Variants in MMP2 observed in about 807,000 individuals in gnomAD.
The protein encoded by MMP2 is 72 kDa type IV collagenase.
In MMP2, 39 loss-of-function variants were observed where a neutral mutation model predicts 74.8. The ratio of observed to expected loss-of-function variants is 0.52; its 90% CI spans 0.40 to 0.68. The LOEUF (loss-of-function observed/expected upper bound fraction) is 0.68, where lower values mean the gene tolerates loss of function less well. Among genes scored for constraint, MMP2 ranks in the 30% least tolerant of loss-of-function variants. The pLI is 0.00. For missense variants in MMP2, 803 were observed against 878.3 expected, an observed-to-expected ratio of 0.91 and a Z score of 1.08; for synonymous variants, 367 against 339.8, an observed-to-expected ratio of 1.08 and a Z score of -0.88.
At position 55,493,215 on chromosome 16, in the gene MMP2, C is replaced by T. The variant is rs1219506017; in HGVS notation, c.1394C>T (p.Thr465Ile). The T allele has an allele frequency of 1.2e-6, 2 of 1,614,152 alleles. No individual in the cohort carries two copies. Among genetic ancestry groups the T allele is most frequent in the South Asian group, 1.1e-5 (1 of 91,076 alleles). Residue 465 changes from threonine (T) to isoleucine (I), a missense_variant, in exon 9 of 13, where the codon ACT becomes ATT. Thr to Ile is a moderately conservative substitution (Grantham distance 89). Coordinates refer to ENST00000219070, the MANE Select transcript of MMP2 (RefSeq NM_004530.6). ...TGPTPTLGPV[T>I]PEICKQDIVF... is the part of the protein sequence containing the mutation. ...CCCACCCCCACGCTGGGCCCTGTCA[C>T]TCCTGAGATCTGCAAACAGGACATT...
chr16:55,491,967 G>A lies in MMP2; in HGVS notation c.1336+11G>A, dbSNP rs17859933. The A allele has an allele frequency of 1.1e-3, 1,700 of 1,611,486 alleles. 1 individual carries two copies. Among genetic ancestry groups the A allele is most frequent in the Middle Eastern group, 2.1e-3 (13 of 6,052 alleles). ...TTCAGGAGCTCTATGGTAAACCTCC[G>A]GGCGGGGGTTGGGGGTGGAGGGTGA... On this transcript the variant is annotated intron_variant, in intron 8 of 12. Coordinates refer to ENST00000219070, the MANE Select transcript of MMP2 (RefSeq NM_004530.6).
chr16:55,505,544 A>G lies in MMP2; in HGVS notation c.*102A>G. On this transcript the variant is annotated 3_prime_UTR_variant, in exon 13 of 13. Coordinates refer to ENST00000219070, the MANE Select transcript of MMP2 (RefSeq NM_004530.6). ...GGAGGGGCCTGGCAGCCGTGCCTTC[A>G]GCTCTACAGCTAATCAGCATTCTCA... The G allele has an allele frequency of 1.1e-6, 1 of 914,700 alleles. No individual in the cohort carries two copies. Among genetic ancestry groups the G allele is most frequent in the Non-Finnish European group, 1.8e-6 (1 of 550,314 alleles). The allele number at this position is 914,700 out of a possible 1,614,324, so 56.7% of individuals were successfully genotyped here. A position where few individuals can be genotyped will look rare whatever the true frequency, so the allele number is the denominator to read the frequency against.
intron 8 of MMP2, among the ~76,000 whole-genome samples, chr16:55,492,598 G>T (rs1224489918): frequency 1.3e-5 from 2 of 152,032 alleles, no homozygotes; most frequent in Non-Finnish European, 2.9e-5. Context: ...GATGAAGTTT[G>T]GGGACTGCTA....
intron 11 of MMP2, among the ~76,000 whole-genome samples, chr16:55,500,244 C>G (rs1226170219): frequency 6.6e-6 from 1 of 152,184 alleles, no homozygotes; most frequent in Non-Finnish European, 1.5e-5. Flanking sequence ...CACGCACACA[C>G]ACACACGCGT....
intron 10 of MMP2, among the ~76,000 whole-genome samples, chr16:55,498,073 C>T (rs942832953): frequency 6.6e-6 from 1 of 152,142 alleles, no homozygotes; most frequent in Non-Finnish European, 1.5e-5. Flanking sequence ...TGGATTTATC[C>T]CCCAACTCAT....
chr16:55,494,153 CATTTATTCATTCATAGAGT>C (rs1962480835), intron 9 of MMP2, among the ~76,000 whole-genome samples: 1 of 152,190 alleles, frequency 6.6e-6, no homozygotes, highest in Admixed American at 6.5e-5. Flanking sequence ...ATTATTCATC[CATTTATTCATTCATAGAGT>C]ATAGTAGTTG....
Position 55,484,166 on chromosome 16 carries a change from T to A in MMP2, c.529+2T>A. 6.2e-7 allele frequency: 1 copy of A among 1,613,746 alleles called. No homozygotes were observed. The highest frequency in any genetic ancestry group is 8.5e-7 in the Non-Finnish European group (1 of 1,179,920). ...TCATGATCAACTTTGGCCGCTGGGG[T>A]AGGCAGAAGATGGGGCAGAAGAGGG... is the stretch of plus-strand genomic sequence containing the variant. On this transcript the variant is annotated splice_donor_variant, in intron 3 of 12. Transcript: ENST00000219070. LOFTEE classifies it high-confidence loss of function.
chr16:55,479,512 G>A lies in MMP2; in HGVS notation c.33G>A (p.Thr11=). MEALMARGAL[T]GPLRALCLLG... is the part of the protein sequence containing the mutation. ...CGCTAATGGCCCGGGGCGCGCTCACGGGTCCCCTGAGGGCGCTCTGTCTCC... is the reference window on the plus strand; with the variant it reads ...CGCTAATGGCCCGGGGCGCGCTCACAGGTCCCCTGAGGGCGCTCTGTCTCC... The change falls in exon 1 of 13, where the codon ACG becomes ACA. Residue 11 remains threonine, a synonymous_variant. Transcript: ENST00000219070. 6.3e-7 allele frequency: 1 copy of A among 1,599,516 alleles called. No homozygotes were observed. Among genetic ancestry groups the A allele is most frequent in the Non-Finnish European group, 8.5e-7 (1 of 1,173,532 alleles).
At chr16:55,497,658 G>A (rs755413525) in intron 10 of MMP2, among the ~76,000 whole-genome samples, 1 of 152,172 alleles carries the variant, frequency 6.6e-6, no homozygotes, top group African/African-American at 2.4e-5. Context: ...CCCTAGAAGT[G>A]GTAGAAATCA....
intron 9 of MMP2, among the ~76,000 whole-genome samples, chr16:55,494,078 C>T (rs1202481009): frequency 1.3e-5 from 2 of 152,300 alleles, no homozygotes; most frequent in East Asian, 3.9e-4. Flanking sequence ...ATCTTTCCAT[C>T]CATCATCCAT....
At chr16:55,481,860 G>A in intron 1 of MMP2, 1 of 765,124 alleles carries the variant, frequency 1.3e-6, no homozygotes, top group Non-Finnish European at 2.4e-6. Context: ...GGTAATCTTA[G>A]GTGCTTACCT....
Position 55,505,496 on chromosome 16 carries a change from C to A in MMP2, c.*54C>A, listed in dbSNP as rs1962777929. 3 of 1,505,696 alleles carry A rather than the reference C, an allele frequency of 2.0e-6. No individual in the cohort carries two copies. Among genetic ancestry groups the A allele is most frequent in the Non-Finnish European group, 2.8e-6 (3 of 1,082,022 alleles). 93.3% of individuals were successfully genotyped at this position (1,505,696 alleles called of 1,614,324 possible). ...TCTCCACTGCCTTCGATACACCGGG[C>A]CTGGAGAACTAGAGAAGGACCCGGA... On this transcript the variant is annotated 3_prime_UTR_variant, in exon 13 of 13. Coordinates refer to ENST00000219070, the MANE Select transcript of MMP2 (RefSeq NM_004530.6).
At chr16:55,494,177 T>C (rs1413383794) in intron 9 of MMP2, among the ~76,000 whole-genome samples, 1 of 152,228 alleles carries the variant, frequency 6.6e-6, no homozygotes, top group Non-Finnish European at 1.5e-5. Flanking sequence ...TAGAGTATAG[T>C]AGTTGAGAAA....
At chr16:55,483,499 T>C (rs1318197200) in intron 2 of MMP2, among the ~76,000 whole-genome samples, 1 of 152,216 alleles carries the variant, frequency 6.6e-6, no homozygotes, top group African/African-American at 2.4e-5. Flanking sequence ...GTCATTGTTA[T>C]TGTTTTTAGA....
intron 9 of MMP2, among the ~76,000 whole-genome samples, chr16:55,496,618 A>T (rs1226578190): frequency 6.6e-6 from 1 of 152,186 alleles, no homozygotes; most frequent in African/African-American, 2.4e-5. Flanking sequence ...TGTTCCAGGC[A>T]CTCAGAGTTG....
chr16:55,505,552 A>G lies in MMP2; in HGVS notation c.*110A>G. On this transcript the variant is annotated 3_prime_UTR_variant, in exon 13 of 13. Transcript: ENST00000219070. ...CTGGCAGCCGTGCCTTCAGCTCTAC[A>G]GCTAATCAGCATTCTCACTCCTACC... 1.2e-6 allele frequency: 1 copy of G among 866,006 alleles called. No homozygotes were observed. The highest frequency in any genetic ancestry group is 2.0e-6 in the Non-Finnish European group (1 of 509,834). 53.6% of individuals were successfully genotyped at this position (866,006 alleles called of 1,614,324 possible).
chr16:55,481,400 T>C (rs1484530439), intron 1 of MMP2, among the ~76,000 whole-genome samples: 4 of 152,164 alleles, frequency 2.6e-5, no homozygotes, highest in African/African-American at 7.2e-5. Flanking sequence ...TAATGAGCAG[T>C]GAGGACGACT....
chr16:55,479,473 C>T lies in MMP2; in HGVS notation c.-7C>T, dbSNP rs765195089. ...CCGGGCGACGCGCGGGGCCAGGGAG[C>T]GCTACGATGGAGGCGCTAATGGCCC... On this transcript the variant is annotated 5_prime_UTR_variant, in exon 1 of 13. Transcript: ENST00000219070. The T allele has an allele frequency of 1.9e-6, 3 of 1,550,480 alleles. No individual in the cohort carries two copies. The highest frequency in any genetic ancestry group is 2.6e-6 in the Non-Finnish European group (3 of 1,148,380).
At position 55,485,904 on chromosome 16, in the gene MMP2, A is replaced by G. The variant is rs535644971; in HGVS notation, c.832+127A>G. On this transcript the variant is annotated intron_variant, in intron 5 of 12. Transcript: ENST00000219070. ...ACTGCCAGTTAATGAGCATCCCTCC[A>G]ACGTCCTTCACTCAGTTCCCCCCCA... is the stretch of plus-strand genomic sequence containing the variant. The G allele has an allele frequency of 1.3e-5, 12 of 959,270 alleles. No individual in the cohort carries two copies. In the South Asian group the frequency reaches 1.5e-4, roughly 12 times the overall value. 59.4% of individuals were successfully genotyped at this position (959,270 alleles called of 1,614,324 possible).
Sources: gnomAD v4.1 joint callset for allele counts (sites outside exome capture counted in the v4.1 genomes callset) on GRCh38, gnomAD v4.1.1 for gene constraint, MANE v1.5 for transcripts, NCBI Gene and HGNC (gene_info 2026-07-23, HGNC 2026-07-21) for gene names.